Variants in SGCZ observed in about 807,000 individuals in gnomAD.
The protein encoded by SGCZ is sarcoglycan zeta.
In SGCZ, 40 loss-of-function variants were observed where a neutral mutation model predicts 41.3. The ratio of observed to expected loss-of-function variants is 0.97; its 90% CI spans 0.75 to 1.26. SGCZ has a LOEUF of 1.26. Ranked by LOEUF, SGCZ falls within the 50% of genes most tolerant of loss-of-function variation. The pLI, the probability that SGCZ is intolerant of heterozygous loss-of-function variation, is 0.00. For missense variants in SGCZ, 552 were observed against 369.8 expected, an observed-to-expected ratio of 1.49 and a Z score of -4.04; for synonymous variants, 206 against 137.5, an observed-to-expected ratio of 1.50 and a Z score of -3.49.
At chr8:14,216,642 C>T (rs1017078161) in intron 4 of SGCZ, among the ~76,000 whole-genome samples, 1 of 152,058 alleles carries the variant, frequency 6.6e-6, no homozygotes, top group African/African-American at 2.4e-5. Flanking sequence ...ACAAATTATA[C>T]AATCACATTA....
chr8:14,278,063 AC>A (rs1386752335), intron 3 of SGCZ, among the ~76,000 whole-genome samples: 4 of 152,124 alleles, frequency 2.6e-5, no homozygotes, highest in African/African-American at 9.7e-5. Flanking sequence ...TGCAGTTCCA[AC>A]ACTCACCTTT....
At chr8:14,146,197 C>G (rs565444270) in intron 5 of SGCZ, among the ~76,000 whole-genome samples, 2 of 151,990 alleles carry the variant, frequency 1.3e-5, no homozygotes, top group Non-Finnish European at 2.9e-5. Context: ...CTAAAAGCAG[C>G]CAGAGAAAAT....
chr8:14,653,050 A>C (rs1322415381), intron 1 of SGCZ, among the ~76,000 whole-genome samples: 2 of 152,160 alleles, frequency 1.3e-5, no homozygotes, highest in African/African-American at 4.8e-5. Context: ...CAGCAAAAAA[A>C]GCACTAGAAA....
chr8:15,105,577 G>A (rs1183850111), intron 1 of SGCZ, among the ~76,000 whole-genome samples: 4 of 152,076 alleles, frequency 2.6e-5, no homozygotes, highest in Non-Finnish European at 4.4e-5. Context: ...ATGAGAACAG[G>A]AGGTAGAAAG....
rs972255960 is a variant in SGCZ, at chr8:14,441,831, C to T, written c.234+112901G>A. On this transcript the variant is annotated intron_variant, in intron 2 of 7. Coordinates refer to ENST00000382080, the MANE Select transcript of SGCZ (RefSeq NM_139167.4). ...TCAGTTTCTATAGCTTTTTTTAACC[C>T]CACCTCTGACTCTGGTATTCTGACC... Among the ~76,000 whole-genome samples, 2 of 151,998 alleles carry T rather than the reference C, an allele frequency of 1.3e-5. 1 individual carries two copies. Among genetic ancestry groups the T allele is most frequent in the African/African-American group, 4.8e-5 (2 of 41,382 alleles).
intron 2 of SGCZ, among the ~76,000 whole-genome samples, chr8:14,402,378 A>C (rs1563306276): frequency 6.6e-6 from 1 of 151,702 alleles, no homozygotes; most frequent in African/African-American, 2.4e-5. Context: ...CTATGTCCTG[A>C]ATGGTAATGC....
intron 1 of SGCZ, among the ~76,000 whole-genome samples, chr8:14,562,087 G>C (rs981733115): frequency 2.6e-5 from 4 of 152,064 alleles, no homozygotes; most frequent in South Asian, 4.1e-4. Context: ...TGGATGGTAT[G>C]GGAGAAAAAA....
At chr8:14,250,828 C>T (rs531785004) in intron 3 of SGCZ, among the ~76,000 whole-genome samples, 1 of 152,286 alleles carries the variant, frequency 6.6e-6, no homozygotes, top group Admixed American at 6.5e-5. Context: ...ACTCTTCTTC[C>T]CTGTCTTAAG....
intron 1 of SGCZ, among the ~76,000 whole-genome samples, chr8:15,192,951 AT>A (rs1563176181): frequency 1.3e-5 from 2 of 152,096 alleles, no homozygotes; most frequent in Non-Finnish European, 2.9e-5. Flanking sequence ...ACCAAATATC[AT>A]TTTAAAGTGA....
At position 15,237,693 on chromosome 8, in the gene SGCZ, T is replaced by C; in HGVS notation, c.-70A>G. On this transcript the variant is annotated 5_prime_UTR_variant, in exon 1 of 8. Transcript: ENST00000382080. ...CCAAAAACAATCTAGTCTTTTAGTT[T>C]CCAGCTTAAACTCAGCTTTATCCTC... The C allele has an allele frequency of 6.5e-7, 1 of 1,529,334 alleles. No homozygotes were observed. The allele number at this position is 1,529,334 out of a possible 1,614,324, so 94.7% of individuals were successfully genotyped here. A position where few individuals can be genotyped will look rare whatever the true frequency, so the allele number is the denominator to read the frequency against.
chr8:14,199,823 C>A (rs1318848061), intron 4 of SGCZ, among the ~76,000 whole-genome samples: 1 of 151,986 alleles, frequency 6.6e-6, no homozygotes, highest in African/African-American at 2.4e-5. Context: ...AAGTTCACGA[C>A]TGACAATGAA....
In SGCZ at chr8:15,228,139, G is replaced by A. The variant is rs1272669588; in HGVS notation, c.39+9446C>T. Among the ~76,000 whole-genome samples, 4 of 152,144 alleles carry A rather than the reference G, an allele frequency of 2.6e-5. No homozygotes were observed. The South Asian group carries it at 6.2e-4, about 24-fold the overall frequency. On this transcript the variant is annotated intron_variant, in intron 1 of 7. Coordinates refer to ENST00000382080, the MANE Select transcript of SGCZ (RefSeq NM_139167.4). ...TACATTAAGAGCTATTAATGTTTTA[G>A]GAAATAAATGAAACAAATACGTATG... is the stretch of plus-strand genomic sequence containing the variant.
At chr8:14,258,228 A>T (rs1465156655) in intron 3 of SGCZ, among the ~76,000 whole-genome samples, 1 of 110,490 alleles carries the variant, frequency 9.1e-6, no homozygotes, top group African/African-American at 2.8e-5. Context: ...CCCATGTATG[A>T]AGATTATAAT....
At chr8:14,408,795 G>C (rs1316093319) in intron 2 of SGCZ, among the ~76,000 whole-genome samples, 1 of 151,894 alleles carries the variant, frequency 6.6e-6, no homozygotes, top group East Asian at 1.9e-4. Flanking sequence ...CATAATTTTT[G>C]TTTGTATTCA....
At chr8:14,686,499 G>C (rs1222186250) in intron 1 of SGCZ, among the ~76,000 whole-genome samples, 2 of 152,030 alleles carry the variant, frequency 1.3e-5, no homozygotes, top group African/African-American at 2.4e-5. Context: ...AAGGTAGTTG[G>C]AATTGATAAA....
At chr8:14,408,984 T>TGC (rs1554513924) in intron 2 of SGCZ, among the ~76,000 whole-genome samples, 2 of 151,320 alleles carry the variant, frequency 1.3e-5, no homozygotes, top group South Asian at 2.1e-4. Context: ...TGTGTGCGTG[T>TGC]GTGTGTGTGT....
intron 2 of SGCZ, among the ~76,000 whole-genome samples, chr8:14,422,263 C>CT (rs1279250950): frequency 4.4e-4 from 66 of 151,518 alleles, no homozygotes; most frequent in African/African-American, 1.5e-3. Flanking sequence ...ACCTATTTAA[C>CT]TAACAGCAAT....
intron 2 of SGCZ, among the ~76,000 whole-genome samples, chr8:14,457,020 G>C (rs1800765660): frequency 6.6e-6 from 1 of 152,186 alleles, no homozygotes; most frequent in Non-Finnish European, 1.5e-5. Flanking sequence ...TGGGCGACAA[G>C]CCACCCAGGC....
chr8:14,441,392 T>C (rs1239067326), intron 2 of SGCZ, among the ~76,000 whole-genome samples: 2 of 151,880 alleles, frequency 1.3e-5, no homozygotes, highest in East Asian at 2.0e-4. Flanking sequence ...CTGTCCAACA[T>C]GGTGAAACCC....
Sources: allele counts gnomAD v4.1 joint callset (sites outside exome capture counted in the v4.1 genomes callset), GRCh38; gene constraint gnomAD v4.1.1; transcripts MANE v1.5; gene names NCBI Gene and HGNC (gene_info 2026-07-23, HGNC 2026-07-21).